Variants in SLC4A4 observed in about 807,000 individuals in gnomAD.
SLC4A4 encodes solute carrier family 4 member 4.
SLC4A4 carries 27 observed loss-of-function variants against 111.5 expected under a neutral mutation model. That is an observed-to-expected ratio of 0.24 (90% CI 0.18 to 0.33). SLC4A4 has a LOEUF of 0.33. SLC4A4 is among the 10% of genes least tolerant of loss of function. The pLI is 1.00. For missense variants in SLC4A4, 909 were observed against 1,315.5 expected (o/e 0.69, Z 4.78); for synonymous variants, 443 against 463.4 (o/e 0.96, Z 0.57).
chr4:71,086,903 G>A (rs1742193908), intron 1 of SLC4A4, among the ~76,000 whole-genome samples: 1 of 152,114 alleles, frequency 6.6e-6, no homozygotes, highest in Admixed American at 6.5e-5. Flanking sequence ...TTGGTATCAG[G>A]ATGGTGCTGG....
At chr4:71,414,325 G>T (rs4348063) in intron 7 of SLC4A4, among the ~76,000 whole-genome samples, 3,798 of 152,318 alleles carry the variant, frequency 0.025, 158 homozygotes, top group East Asian at 0.14. Flanking sequence ...CACCAGCCCT[G>T]AGCTTTGAAT....
At chr4:71,166,109 A>G (rs980997918) in intron 2 of SLC4A4, among the ~76,000 whole-genome samples, 2 of 152,188 alleles carry the variant, frequency 1.3e-5, no homozygotes, top group Non-Finnish European at 2.9e-5. Context: ...AAGGAGTGAA[A>G]TGTTATTAAA....
chr4:71,279,042 T>A (rs1281700314), intron 3 of SLC4A4, among the ~76,000 whole-genome samples: 1 of 152,216 alleles, frequency 6.6e-6, no homozygotes, highest in Non-Finnish European at 1.5e-5. Context: ...TCAAGCTAAT[T>A]TACATATTCA....
intron 1 of SLC4A4, among the ~76,000 whole-genome samples, chr4:71,208,847 G>T (rs545902486): frequency 2.6e-5 from 4 of 152,104 alleles, no homozygotes; most frequent in Admixed American, 1.3e-4. Context: ...TGATATTCAC[G>T]TGACCCTCAC....
At chr4:71,315,821 A>G (rs892076671) in intron 3 of SLC4A4, among the ~76,000 whole-genome samples, 1 of 152,170 alleles carries the variant, frequency 6.6e-6, no homozygotes, top group East Asian at 1.9e-4. Context: ...GGTTTGTAAC[A>G]TGGAAGATTT....
intron 2 of SLC4A4, among the ~76,000 whole-genome samples, chr4:71,167,382 A>G (rs1326149325): frequency 6.6e-5 from 10 of 152,208 alleles, no homozygotes; most frequent in Admixed American, 3.9e-4. Flanking sequence ...ACATAGCCTT[A>G]TTCCACTGTG....
intron 6 of SLC4A4, among the ~76,000 whole-genome samples, chr4:71,392,772 A>G (rs1172106575): frequency 6.6e-6 from 1 of 152,160 alleles, no homozygotes. Flanking sequence ...TTAACAAAAT[A>G]CTAGCTAACC....
chr4:71,063,744 T>G (rs1282698189), intron 1 of SLC4A4, among the ~76,000 whole-genome samples: 1 of 152,168 alleles, frequency 6.6e-6, no homozygotes, highest in African/African-American at 2.4e-5. Context: ...GCATTGTAAC[T>G]TCGTCTTGTG....
At chr4:71,240,135 G>A (rs1297334010) in intron 2 of SLC4A4, among the ~76,000 whole-genome samples, 3 of 152,174 alleles carry the variant, frequency 2.0e-5, no homozygotes, top group Non-Finnish European at 4.4e-5. Context: ...GAGATAGGAA[G>A]AGTCAGTCCC....
chr4:71,167,465 G>A (rs927148438), intron 2 of SLC4A4, among the ~76,000 whole-genome samples: 1 of 152,180 alleles, frequency 6.6e-6, no homozygotes, highest in Admixed American at 6.5e-5. Flanking sequence ...CTTTTGAAAG[G>A]GGAGTGGCGA....
chr4:71,493,603 T>G (rs141899586), intron 15 of SLC4A4, among the ~76,000 whole-genome samples: 70 of 152,062 alleles, frequency 4.6e-4, no homozygotes, highest in African/African-American at 1.7e-3. Flanking sequence ...TTATCCATCC[T>G]TAGTCAAAAC....
At chr4:71,341,160 A>G (rs533961809) in intron 4 of SLC4A4, among the ~76,000 whole-genome samples, 1 of 152,266 alleles carries the variant, frequency 6.6e-6, no homozygotes, top group South Asian at 2.1e-4. Flanking sequence ...AACCAGTGTT[A>G]TTTGAATGAA....
chr4:71,165,136 A>C (rs1375010614), intron 2 of SLC4A4, among the ~76,000 whole-genome samples: 8 of 13,270 alleles, frequency 6.0e-4, no homozygotes, highest in African/African-American at 6.3e-4. Context: ...ATTGTGGAAG[A>C]CAGTGTGGAG....
intron 3 of SLC4A4, among the ~76,000 whole-genome samples, chr4:71,291,466 G>T (rs1451302539): frequency 6.6e-6 from 1 of 151,698 alleles, no homozygotes; most frequent in East Asian, 1.9e-4. Context: ...TTGAGACAGG[G>T]TCTCACTCTG....
At chr4:71,076,521 G>C (rs1741833831) in intron 1 of SLC4A4, among the ~76,000 whole-genome samples, 1 of 151,242 alleles carries the variant, frequency 6.6e-6, no homozygotes, top group Non-Finnish European at 1.5e-5. Flanking sequence ...AATGAAGCCA[G>C]ACTCTGTCTT....
chr4:71,200,990 C>T (rs1746223051), intron 1 of SLC4A4, among the ~76,000 whole-genome samples: 1 of 152,178 alleles, frequency 6.6e-6, no homozygotes, highest in African/African-American at 2.4e-5. Flanking sequence ...TTTCCAAATC[C>T]TCCATGACTG....
chr4:71,563,164 A>G (rs760377186), intron 23 of SLC4A4, among the ~76,000 whole-genome samples: 1 of 151,854 alleles, frequency 6.6e-6, no homozygotes, highest in Admixed American at 6.6e-5. Flanking sequence ...TCTGACCATC[A>G]TAGACACCTT....
intron 3 of SLC4A4, among the ~76,000 whole-genome samples, chr4:71,277,482 G>GCTTCC (rs574074958): frequency 4.0e-5 from 6 of 151,136 alleles, no homozygotes; most frequent in Non-Finnish European, 7.4e-5. Context: ...TACTGGCTTG[G>GCTTCC]CTTCCCTTCC....
chr4:71,347,327 A>G (rs768881158), intron 4 of SLC4A4, among the ~76,000 whole-genome samples: 2 of 152,174 alleles, frequency 1.3e-5, no homozygotes, highest in Non-Finnish European at 2.9e-5. Flanking sequence ...GTCTGAGCCT[A>G]TTCAGGCTGC....
Sources: allele counts gnomAD v4.1 joint callset (sites outside exome capture counted in the v4.1 genomes callset), GRCh38; gene constraint gnomAD v4.1.1; transcripts MANE v1.5; gene names NCBI Gene and HGNC (gene_info 2026-07-23, HGNC 2026-07-21).